Variants in TTC8 observed in about 807,000 individuals in gnomAD.
The protein encoded by TTC8 is tetratricopeptide repeat protein 8.
Under a neutral mutation model 72.5 loss-of-function variants are expected in TTC8, and 47 were observed. That is an observed-to-expected ratio of 0.65 (90% CI 0.51 to 0.83). TTC8 has a LOEUF of 0.83. TTC8 is among the 40% of genes least tolerant of loss of function. The pLI is 0.00. For synonymous variants in TTC8, 199 were observed against 221.4 expected (o/e 0.90, Z 0.90); for missense variants, 611 against 623.2 (o/e 0.98, Z 0.21).
At chr14:88,879,651 C>CATCATTATT (rs968532644), downstream of TTC8, 29 of 141,174 alleles carry the variant, frequency 2.1e-4, 1 homozygote, top group African/African-American at 6.6e-4. Flanking sequence ...CGTGTCACTA[C>CATCATTATT]ATTATTATTA....
chr14:88,833,439 T>C (rs931536420), intron 1 of TTC8, among the ~76,000 whole-genome samples: 2 of 152,234 alleles, frequency 1.3e-5, no homozygotes, highest in Admixed American at 1.3e-4. Flanking sequence ...AAACAAGTAG[T>C]TATCATCTCT....
chr14:88,837,022 T>C, intron 2 of TTC8: 1 of 270,586 alleles, frequency 3.7e-6, no homozygotes, highest in Non-Finnish European at 7.5e-6. Context: ...GATCACGCCA[T>C]TGTACTCCAG....
intron 9 of TTC8, among the ~76,000 whole-genome samples, chr14:88,860,509 C>G (rs541556529): frequency 6.6e-6 from 1 of 152,284 alleles, no homozygotes; most frequent in East Asian, 1.9e-4. Context: ...CTGCCTATCT[C>G]TCTCAGGCCT....
chr14:88,854,509 C>T (rs746266958), intron 8 of TTC8, among the ~76,000 whole-genome samples: 2 of 152,036 alleles, frequency 1.3e-5, no homozygotes, highest in Non-Finnish European at 2.9e-5. Flanking sequence ...TAAATAATTA[C>T]GGGTTAAGTA....
intron 7 of TTC8, among the ~76,000 whole-genome samples, chr14:88,846,379 G>A (rs144963733): frequency 1.4e-3 from 214 of 152,186 alleles, no homozygotes; most frequent in African/African-American, 4.7e-3. Context: ...AATGAAGGGG[G>A]ACAGGAACCA....
At chr14:88,868,049 T>C (rs1348233915) in intron 10 of TTC8, among the ~76,000 whole-genome samples, 1 of 152,166 alleles carries the variant, frequency 6.6e-6, no homozygotes, top group Non-Finnish European at 1.5e-5. Flanking sequence ...TTTCGACAAA[T>C]AGAGGTCAGA....
At chr14:88,872,808 A>G (rs2094940631) in intron 13 of TTC8, among the ~76,000 whole-genome samples, 1 of 152,112 alleles carries the variant, frequency 6.6e-6, no homozygotes, top group Non-Finnish European at 1.5e-5. Context: ...TCCCCCTGCC[A>G]CACCTGCGCC....
chr14:88,825,168 G>A (rs1395836596), intron 1 of TTC8, among the ~76,000 whole-genome samples: 6 of 152,188 alleles, frequency 3.9e-5, no homozygotes, highest in Non-Finnish European at 8.8e-5. Context: ...AGCTCTCAGC[G>A]TGTGCGTTGT....
intron 9 of TTC8, among the ~76,000 whole-genome samples, chr14:88,859,156 A>G (rs192223783): frequency 1.3e-3 from 198 of 152,210 alleles, no homozygotes; most frequent in Non-Finnish European, 2.1e-3. Flanking sequence ...GTATGAATGG[A>G]TGGTTATTAT....
In TTC8 at chr14:88,877,706, G is replaced by T; in HGVS notation, c.*296G>T. On this transcript the variant is annotated 3_prime_UTR_variant, in exon 15 of 15. Transcript: ENST00000380656. The stretch of plus-strand genomic sequence containing the variant: ...GTTTATAATGTTTACAAAACATTTT[G>T]GTGAATTTCCTCAATGTTTTATAAA... The T allele has an allele frequency of 4.7e-6, 1 of 211,964 alleles. No homozygotes were observed. 13.1% of individuals were successfully genotyped at this position (211,964 alleles called of 1,614,324 possible).
chr14:88,868,142 C>T (rs537051012), intron 10 of TTC8, among the ~76,000 whole-genome samples: 60 of 152,314 alleles, frequency 3.9e-4, no homozygotes, highest in Admixed American at 1.2e-3. Context: ...AACCTTCTCG[C>T]TCTGGGTTAA....
chr14:88,870,264 T>C, intron 11 of TTC8, 66 bp downstream of exon 11: 1 of 1,551,338 alleles, frequency 6.4e-7, no homozygotes, highest in East Asian at 2.2e-5. Context: ...ATAAGAAAGA[T>C]GGAATGAAAG....
At chr14:88,827,545 A>G (rs998022646) in intron 1 of TTC8, among the ~76,000 whole-genome samples, 1 of 152,194 alleles carries the variant, frequency 6.6e-6, no homozygotes. Context: ...ACTTGATGTC[A>G]TCTTACCAGA....
At chr14:88,862,522 TTCTCTCTC>T (rs1262811355) in intron 10 of TTC8, among the ~76,000 whole-genome samples, 2 of 88,778 alleles carry the variant, frequency 2.3e-5, no homozygotes, top group Non-Finnish European at 4.4e-5. Context: ...TTACATTCCA[TTCTCTCTC>T]TCTCTCTCTC....
At position 88,862,694 on chromosome 14, in the gene TTC8, C is replaced by T. The variant is rs576655794; in HGVS notation, c.909+1362C>T. Among the ~76,000 whole-genome samples, 38 of 146,226 alleles carry T rather than the reference C, an allele frequency of 2.6e-4. 1 individual carries two copies. The highest frequency in any genetic ancestry group is 6.3e-4 in the African/African-American group (25 of 39,788). On this transcript the variant is annotated intron_variant, in intron 10 of 14. Coordinates refer to ENST00000380656, the MANE Select transcript of TTC8 (RefSeq NM_144596.4). ...AAATTCCTAGGCTCCAGTGATCCTACGTCAGCCTCCTGGGTAGCTGGGACT... is the reference window on the plus strand; with the variant it reads ...AAATTCCTAGGCTCCAGTGATCCTATGTCAGCCTCCTGGGTAGCTGGGACT...
At chr14:88,851,009 T>A (rs1466812504) in intron 7 of TTC8, among the ~76,000 whole-genome samples, 1 of 152,206 alleles carries the variant, frequency 6.6e-6, no homozygotes, top group East Asian at 1.9e-4. Flanking sequence ...GTTTTAGGGA[T>A]TCTTTAGTTG....
At chr14:88,830,601 T>G (rs1233002446) in intron 1 of TTC8, among the ~76,000 whole-genome samples, 1 of 152,208 alleles carries the variant, frequency 6.6e-6, no homozygotes, top group East Asian at 1.9e-4. Context: ...GTAATGTAGA[T>G]TATATGACTT....
At chr14:88,867,431 GA>G (rs886461722) in intron 10 of TTC8, among the ~76,000 whole-genome samples, 1 of 152,086 alleles carries the variant, frequency 6.6e-6, no homozygotes, top group Non-Finnish European at 1.5e-5. Context: ...CTGTATATTA[GA>G]ATGTATAGAA....
upstream of TTC8, chr14:88,824,453 C>T (rs2094688760): frequency 3.9e-6 from 2 of 508,636 alleles, no homozygotes; most frequent in Non-Finnish European, 7.1e-6. Context: ...GCCGCGGTGC[C>T]TTCTTTTCAA....
Sources: allele counts gnomAD v4.1 joint callset (sites outside exome capture counted in the v4.1 genomes callset), GRCh38; gene constraint gnomAD v4.1.1; transcripts MANE v1.5; gene names NCBI Gene and HGNC (gene_info 2026-07-23, HGNC 2026-07-21).